The following LTBP1 variants were observed in gnomAD, a reference collection of about 807,000 sequenced individuals.
LTBP1 encodes latent transforming growth factor beta binding protein 1.
LTBP1 carries 129 observed loss-of-function variants against 207.6 expected under a neutral mutation model. That is an observed-to-expected ratio of 0.62 (90% CI 0.54 to 0.72). The LOEUF (loss-of-function observed/expected upper bound fraction) is 0.72. Ranked by LOEUF, LTBP1 falls within the 30% of genes least tolerant of loss-of-function variation. The probability of loss-of-function intolerance (pLI) is 0.00; values close to 1 mark genes in which losing one functional copy is unlikely to be tolerated. For missense variants in LTBP1, 2,281 were observed against 2,217.2 expected, an observed-to-expected ratio of 1.03 and a Z score of -0.58; for synonymous variants, 963 against 833.7, an observed-to-expected ratio of 1.16 and a Z score of -2.67.
chr2:33,092,457 A>G (rs1365611998), intron 3 of LTBP1, among the ~76,000 whole-genome samples: 1 of 152,276 alleles, frequency 6.6e-6, no homozygotes, highest in Admixed American at 6.5e-5. Context: ...AGGAAGGTTT[A>G]GAATTACAAT....
At position 33,078,857 on chromosome 2, in the gene LTBP1, C is replaced by CTTTTTTTTTTTTTTTTTTT. The variant is rs879714056; in HGVS notation, c.864-31721_864-31720insTTTTTTTTTTTTTTTTTTT. ...CTTCTCTTCTGTTTTCTTTTCTTTT[C>CTTTTTTTTTTTTTTTTTTT]TTTTCTTTTTTTTTTTTTTTGAGAC... On this transcript the variant is annotated intron_variant, in intron 3 of 33. Coordinates refer to ENST00000404816, the MANE Select transcript of LTBP1 (RefSeq NM_206943.4). Among the ~76,000 whole-genome samples the CTTTTTTTTTTTTTTTTTTT allele has an allele frequency of 4.3e-5, 4 of 92,158 alleles. 1 individual carries two copies. The highest frequency in any genetic ancestry group is 1.5e-4 in the Admixed American group (1 of 6,542). 60.5% of individuals were successfully genotyped at this position (92,158 alleles called of 152,430 possible).
chr2:33,313,701 A>G (rs1369220807), intron 23 of LTBP1, among the ~76,000 whole-genome samples: 1 of 152,206 alleles, frequency 6.6e-6, no homozygotes, highest in East Asian at 1.9e-4. Flanking sequence ...AACTAAAAGA[A>G]CCTTCACCAG....
At chr2:33,166,479 ATTCT>A (rs1558738728) in intron 5 of LTBP1, among the ~76,000 whole-genome samples, 3 of 152,144 alleles carry the variant, frequency 2.0e-5, no homozygotes, top group Non-Finnish European at 4.4e-5. Flanking sequence ...CATGTCTCTG[ATTCT>A]TATCCTGTAC....
At chr2:33,000,964 A>G (rs1685996011) in intron 2 of LTBP1, among the ~76,000 whole-genome samples, 1 of 134,734 alleles carries the variant, frequency 7.4e-6, no homozygotes, top group African/African-American at 2.6e-5. Context: ...AAAACAAGTC[A>G]TAGCTGTTCA....
chr2:33,168,399 C>CAAAAAAAAAAAAAAA (rs10616798), intron 5 of LTBP1, among the ~76,000 whole-genome samples: 5 of 103,800 alleles, frequency 4.8e-5, no homozygotes, highest in East Asian at 2.9e-4. Context: ...GTCTTTGTCT[C>CAAAAAAAAAAAAAAA]AAAAAAAAAA....
At chr2:33,165,337 AAG>A (rs1207649361) in intron 5 of LTBP1, among the ~76,000 whole-genome samples, 1 of 152,232 alleles carries the variant, frequency 6.6e-6, no homozygotes, top group African/African-American at 2.4e-5. Flanking sequence ...CGAGACGCTG[AAG>A]AGAGAGAAGC....
intron 3 of LTBP1, among the ~76,000 whole-genome samples, chr2:33,050,154 CTTT>C (rs11318614): frequency 1.6e-5 from 2 of 126,256 alleles, no homozygotes; most frequent in Non-Finnish European, 3.4e-5. Flanking sequence ...CTTTTCTTTT[CTTT>C]TTTTTTTTTT....
chr2:33,051,823 A>C (rs759918048), intron 3 of LTBP1, among the ~76,000 whole-genome samples: 1 of 152,204 alleles, frequency 6.6e-6, no homozygotes, highest in African/African-American at 2.4e-5. Context: ...TAGGCTTACT[A>C]CCATCTAAGT....
At chr2:33,207,917 A>T (rs773352111) in intron 7 of LTBP1, among the ~76,000 whole-genome samples, 1 of 152,188 alleles carries the variant, frequency 6.6e-6, no homozygotes, top group African/African-American at 2.4e-5. Context: ...CAGAGTGGAG[A>T]TGTGTTTATA....
At chr2:33,022,561 A>G (rs1013429351) in intron 3 of LTBP1, among the ~76,000 whole-genome samples, 1 of 152,208 alleles carries the variant, frequency 6.6e-6, no homozygotes, top group Non-Finnish European at 1.5e-5. Flanking sequence ...TTTACAGATG[A>G]GAAGACTGAG....
At chr2:33,148,617 T>G (rs1572859058) in intron 5 of LTBP1, among the ~76,000 whole-genome samples, 1 of 152,312 alleles carries the variant, frequency 6.6e-6, no homozygotes, top group East Asian at 1.9e-4. Flanking sequence ...ACCTAGCTTC[T>G]TTCTCTTATT....
At chr2:33,346,754 T>C (rs1202141312) in intron 25 of LTBP1, among the ~76,000 whole-genome samples, 1 of 151,778 alleles carries the variant, frequency 6.6e-6, no homozygotes, top group East Asian at 1.9e-4. Context: ...AAGTCAGGAA[T>C]GATAAAACTA....
intron 2 of LTBP1, among the ~76,000 whole-genome samples, chr2:32,967,004 T>C (rs1165517004): frequency 6.6e-6 from 1 of 152,146 alleles, no homozygotes; most frequent in African/African-American, 2.4e-5. Flanking sequence ...CTTGCTGTTT[T>C]CTGTTTTGAA....
chr2:33,394,413 G>T (rs1558356012), intron 32 of LTBP1, among the ~76,000 whole-genome samples: 1 of 152,104 alleles, frequency 6.6e-6, no homozygotes, highest in South Asian at 2.1e-4. Flanking sequence ...TTATTCTAGG[G>T]TTTTTATGGT....
intron 22 of LTBP1, among the ~76,000 whole-genome samples, chr2:33,302,825 G>A (rs889321659): frequency 3.9e-5 from 6 of 151,990 alleles, no homozygotes; most frequent in Non-Finnish European, 5.9e-5. Context: ...CACTTTGGGA[G>A]GCCGAGGCAG....
intron 10 of LTBP1, among the ~76,000 whole-genome samples, chr2:33,248,249 A>G (rs1033358490): frequency 6.6e-6 from 1 of 152,236 alleles, no homozygotes; most frequent in Admixed American, 6.5e-5. Context: ...TAAGCACTTT[A>G]TGTGAATTAT....
intron 2 of LTBP1, among the ~76,000 whole-genome samples, chr2:32,958,160 G>T (rs1678400857): frequency 6.6e-6 from 1 of 152,164 alleles, no homozygotes; most frequent in Admixed American, 6.5e-5. Context: ...TGTAATCTCG[G>T]ACAGTCAAGC....
chr2:32,953,951 G>T lies in LTBP1; in HGVS notation c.565+5006G>T, dbSNP rs1255963545. 2.6e-5 allele frequency among the ~76,000 whole-genome samples: 4 copies of T among 152,192 alleles called. 1 individual carries two copies. The highest frequency in any genetic ancestry group is 2.6e-4 in the Admixed American group (4 of 15,288). ...CCCTTTTAATACGGACCAAAATCAG[G>T]TCCAGCAGAGAGGAGCTGCCGATGG... On this transcript the variant is annotated intron_variant, in intron 2 of 33. Transcript: ENST00000404816.
At chr2:33,346,882 C>T (rs1053722100) in intron 25 of LTBP1, among the ~76,000 whole-genome samples, 2 of 151,958 alleles carry the variant, frequency 1.3e-5, no homozygotes, top group Admixed American at 6.6e-5. Context: ...TTTTGGAGGC[C>T]GAGGTGGGCG....
Sources: allele counts gnomAD v4.1 joint callset (sites outside exome capture counted in the v4.1 genomes callset), GRCh38; gene constraint gnomAD v4.1.1; transcripts MANE v1.5; gene names NCBI Gene and HGNC (gene_info 2026-07-23, HGNC 2026-07-21).